Variants in ATAD3B observed in about 807,000 individuals in gnomAD.
The protein encoded by ATAD3B is ATPase family AAA domain-containing protein 3B.
ATAD3B carries 59 observed loss-of-function variants against 70.2 expected under a neutral mutation model. That is an observed-to-expected ratio of 0.84 (90% CI 0.68 to 1.04). The LOEUF (loss-of-function observed/expected upper bound fraction) is 1.04. ATAD3B is among the 50% of genes least tolerant of loss of function. ATAD3B has a pLI of 0.00. For synonymous variants in ATAD3B, 423 were observed against 388.6 expected, an observed-to-expected ratio of 1.09 and a Z score of -1.04; for missense variants, 961 against 913.4, an observed-to-expected ratio of 1.05 and a Z score of -0.67.
intron 1 of ATAD3B, among the ~76,000 whole-genome samples, chr1:1,476,367 C>T (rs576140468): frequency 6.6e-6 from 1 of 150,510 alleles, no homozygotes; most frequent in South Asian, 2.1e-4. Flanking sequence ...AGACGCTGGG[C>T]TCTAGTTAGT....
downstream of ATAD3B, among the ~76,000 whole-genome samples, chr1:1,502,352 C>T (rs1227229482): frequency 2.3e-4 from 35 of 150,430 alleles, no homozygotes; most frequent in African/African-American, 8.6e-4. Context: ...GTAGCTGGGA[C>T]TACAGGCGCC....
intron 7 of ATAD3B, chr1:1,483,184 T>C (rs576498655): frequency 8.0e-6 from 3 of 372,904 alleles, no homozygotes; most frequent in East Asian, 1.5e-4. Context: ...GTGCCTGTAA[T>C]CTCGGGAGGC....
chr1:1,505,684 C>G, the ATAD3B span, among the ~76,000 whole-genome samples: 1 of 152,096 alleles, frequency 6.6e-6, no homozygotes, highest in Non-Finnish European at 1.5e-5. Flanking sequence ...ACGGAAGGCT[C>G]GCACTCTTGT....
the ATAD3B span, among the ~76,000 whole-genome samples, chr1:1,504,928 T>TTG: frequency 4.5e-3 from 674 of 149,488 alleles, 4 homozygotes; most frequent in South Asian, 8.7e-3. Context: ...CTTCAACAGT[T>TTG]TGTGTGTGTG....
chr1:1,490,619 T>C lies in ATAD3B; in HGVS notation c.1562T>C (p.Leu521Pro). 6.2e-7 allele frequency: 1 copy of C among 1,608,294 alleles called. No homozygotes were observed. Among genetic ancestry groups the C allele is most frequent in the Non-Finnish European group, 8.5e-7 (1 of 1,178,084 alleles). ...YGRKCSEVAR[L>P]TEGMSGREIA... ...AGGAAGTGCTCGGAGGTCGCTCGGC[T>C]GACGGAGGGCATGTCGGGCCGGGAG... Residue 521 changes from leucine (L) to proline (P), a missense_variant, in exon 15 of 16, where the codon CTG becomes CCG. This residue lies in a region of ATAD3B where 417 missense variants were observed against 335.0 expected (regional missense o/e 1.24). Transcript: ENST00000673477.
chr1:1,472,044 G>T lies in ATAD3B; in HGVS notation c.160G>T (p.Gly54Cys), dbSNP rs867615092. ...CAAATGGAGCAACTTCGACCCCACCGGCCTGGAGCGCGCCGCCAAGGCGGC... is the reference window on the plus strand; with the variant it reads ...CAAATGGAGCAACTTCGACCCCACCTGCCTGGAGCGCGCCGCCAAGGCGGC... ...KDKWSNFDPT[G>C]LERAAKAARE... is the part of the protein sequence containing the mutation. The change falls in exon 1 of 16, where the codon GGC (glycine) becomes TGC (cysteine). Residue 54 changes from glycine to cysteine, a missense_variant. Physicochemically the swap from Gly to Cys is radical, Grantham distance 159. Transcript: ENST00000673477. 8.1e-4 allele frequency: 993 copies of T among 1,225,878 alleles called. 5 individuals are homozygous for T. The highest frequency in any genetic ancestry group is 1.3e-3 in the Middle Eastern group (4 of 3,094). 75.9% of individuals were successfully genotyped at this position (1,225,878 alleles called of 1,614,324 possible).
chr1:1,473,492 C>G (rs550570531), intron 1 of ATAD3B, among the ~76,000 whole-genome samples: 1 of 150,748 alleles, frequency 6.6e-6, no homozygotes, highest in Non-Finnish European at 1.5e-5. Context: ...GCGTGAGCCA[C>G]CGCATGCCAC....
chr1:1,487,544 C>T (rs534729515), intron 11 of ATAD3B, among the ~76,000 whole-genome samples: 1 of 151,422 alleles, frequency 6.6e-6, no homozygotes, highest in South Asian at 2.1e-4. Context: ...TGCACTGGGT[C>T]GCTGTGTGGG....
intron 5 of ATAD3B, 111 bp from the exon 6 acceptor site, chr1:1,482,027 T>A: frequency 2.0e-6 from 3 of 1,472,196 alleles, no homozygotes; most frequent in Non-Finnish European, 1.8e-6. Flanking sequence ...GTCTGTGGCG[T>A]TGGTCTGTCC....
intron 15 of ATAD3B, among the ~76,000 whole-genome samples, chr1:1,493,473 C>T (rs1432045748): frequency 6.6e-6 from 1 of 151,714 alleles, no homozygotes; most frequent in Admixed American, 6.6e-5. Flanking sequence ...ACCAGTCTCG[C>T]TTTTGCCGCC....
At chr1:1,488,064 C>A in intron 12 of ATAD3B, 150 bp downstream of exon 12, 6 of 1,140,582 alleles carry the variant, frequency 5.3e-6, no homozygotes, top group South Asian at 3.9e-5. Context: ...AAGCTGCTCT[C>A]CTGCCTCAGC....
downstream of ATAD3B, among the ~76,000 whole-genome samples, chr1:1,501,686 T>C (rs911156312): frequency 2.0e-5 from 3 of 152,050 alleles, no homozygotes; most frequent in African/African-American, 7.2e-5. Context: ...CCACAGAGCC[T>C]GGCCTCTATT....
At chr1:1,504,238 G>A in the ATAD3B span, among the ~76,000 whole-genome samples, 4 of 151,864 alleles carry the variant, frequency 2.6e-5, no homozygotes, top group East Asian at 2.0e-4. Context: ...TACCTGCCTC[G>A]GCCTCCCAAA....
At chr1:1,505,476 A>G in the ATAD3B span, among the ~76,000 whole-genome samples, 1 of 152,186 alleles carries the variant, frequency 6.6e-6, no homozygotes, top group Non-Finnish European at 1.5e-5. Context: ...ACCCTCCACA[A>G]GAGGTGGAGG....
intron 2 of ATAD3B, 132 bp from the exon 3 acceptor site, chr1:1,478,512 G>T: frequency 6.5e-7 from 1 of 1,549,758 alleles, no homozygotes; most frequent in Non-Finnish European, 8.7e-7. Flanking sequence ...GCAGCTGGAA[G>T]CCCTGAACCT....
rs1455476044 is a variant in ATAD3B at position 1,484,645 on chromosome 1, T to C, written c.751-371T>C. 3 of 228,824 alleles carry C rather than the reference T, an allele frequency of 1.3e-5. No individual in the cohort carries two copies. The East Asian group carries it at 3.2e-4, about 24-fold the overall frequency. The allele number at this position is 228,824 out of a possible 1,614,324, so 14.2% of individuals were successfully genotyped here. On this transcript the variant is annotated intron_variant, in intron 7 of 15. Coordinates refer to ENST00000673477, the MANE Select transcript of ATAD3B (RefSeq NM_031921.6). ...ACGATTTTTAAAACAAGTTAGAGATTTTGGGTTAGTCTTGTTTTCCAGGAA... is the reference window on the plus strand; with the variant it reads ...ACGATTTTTAAAACAAGTTAGAGATCTTGGGTTAGTCTTGTTTTCCAGGAA...
At chr1:1,494,949 C>A (rs151240058) in intron 15 of ATAD3B, among the ~76,000 whole-genome samples, 1 of 152,074 alleles carries the variant, frequency 6.6e-6, no homozygotes, top group Non-Finnish European at 1.5e-5. Flanking sequence ...GTGCCTAAGG[C>A]GACACCAAGG....
At chr1:1,504,855 A>T in the ATAD3B span, among the ~76,000 whole-genome samples, 12 of 152,192 alleles carry the variant, frequency 7.9e-5, no homozygotes, top group East Asian at 2.3e-3. Flanking sequence ...CCTTACAAGG[A>T]TGCTCATCCT....
rs184670322 is a variant in ATAD3B, at chr1:1,486,514, G to A, written c.1090-30G>A. 3.7e-6 allele frequency: 6 copies of A among 1,611,950 alleles called. No homozygotes were observed. The African/African-American group carries it at 4.1e-5, about 11-fold the overall frequency. On this transcript the variant is annotated intron_variant, in intron 10 of 15. Coordinates refer to ENST00000673477, the MANE Select transcript of ATAD3B (RefSeq NM_031921.6). ...CTTTGCAGAGGCAGAGGGAACATCT[G>A]TTCTGTCTCCCCTCACTCTTCTTGT... is the stretch of plus-strand genomic sequence containing the variant.
Sources: gnomAD v4.1 joint callset for allele counts (sites outside exome capture counted in the v4.1 genomes callset) on GRCh38, gnomAD v4.1.1 for gene constraint, gnomAD v4.1.1 regional missense constraint, MANE v1.5 for transcripts, NCBI Gene and HGNC (gene_info 2026-07-23, HGNC 2026-07-21) for gene names.